Variants in G3BP1 observed in about 807,000 individuals in gnomAD.
The protein encoded by G3BP1 is G3BP stress granule assembly factor 1, also known as ras GTPase-activating protein-binding protein 1.
A neutral mutation model predicts 58.6 loss-of-function variants in G3BP1; 35 were observed. The ratio of observed to expected loss-of-function variants is 0.60; its 90% CI spans 0.46 to 0.79. The LOEUF is 0.79. G3BP1 is among the 30% of genes least tolerant of loss of function. The pLI, the probability that G3BP1 is intolerant of heterozygous loss-of-function variation, is 0.00. For missense variants in G3BP1, 523 were observed against 580.8 expected (o/e 0.90, Z 1.02); for synonymous variants, 191 against 195.4 (o/e 0.98, Z 0.19).
chr5:151,798,687 G>C (rs74735980), intron 7 of G3BP1, among the ~76,000 whole-genome samples: 419 of 152,298 alleles, frequency 2.8e-3, no homozygotes, highest in Middle Eastern at 0.01. Context: ...TGTTGGGCCA[G>C]GCGTTGTGGC....
rs553894843 is a variant in G3BP1, at chr5:151,790,859, GATTATT to G, written c.178-14_178-9del. 375 of 1,298,862 alleles carry G rather than the reference GATTATT, an allele frequency of 2.9e-4. 1 individual carries two copies. In the African/African-American group the frequency reaches 4.0e-3, roughly 14 times the overall value. 80.5% of individuals were successfully genotyped at this position (1,298,862 alleles called of 1,614,324 possible). ...TTTAAATTTTAAGGCATTCTCAGTT[GATTATT>G]ATTATTATTATTATTTTTTTAAGGA... On this transcript the variant is annotated intron_variant, in intron 3 of 11. Coordinates refer to ENST00000356245, the MANE Select transcript of G3BP1 (RefSeq NM_005754.3).
intron 4 of G3BP1, among the ~76,000 whole-genome samples, chr5:151,793,295 G>C (rs1296951095): frequency 1.3e-5 from 2 of 152,090 alleles, no homozygotes; most frequent in Non-Finnish European, 2.9e-5. Context: ...TTTTAGTAGA[G>C]ATGGGGTTTC....
Position 151,812,687 on chromosome 5 carries a change from C to T in G3BP1, c.*8596C>T, listed in dbSNP as rs1763033535. The T allele has an allele frequency of 6.6e-6, 1 of 152,206 alleles. No homozygotes were observed. The highest frequency in any genetic ancestry group is 2.4e-5 in the African/African-American group (1 of 41,458). 9.4% of individuals were successfully genotyped at this position (152,206 alleles called of 1,614,324 possible). ...AATCCTGAGTCAAAATGAAAGGTTG[C>T]TAAATCTAAGATCGAGTGTATAAAT... On this transcript the variant is annotated 3_prime_UTR_variant, in exon 12 of 12. Coordinates refer to ENST00000356245, the MANE Select transcript of G3BP1 (RefSeq NM_005754.3).
intron 1 of G3BP1, among the ~76,000 whole-genome samples, chr5:151,773,414 G>T (rs1762312018): frequency 6.6e-6 from 1 of 152,204 alleles, no homozygotes; most frequent in Admixed American, 6.5e-5. Flanking sequence ...TGTGACAGTC[G>T]AGATCTGTGG....
rs1160294032 is a variant in G3BP1, at chr5:151,805,201, CAT to C, written c.*1111_*1112del. The C allele has an allele frequency of 6.6e-6, 1 of 152,442 alleles. No homozygotes were observed. The highest frequency in any genetic ancestry group is 2.4e-5 in the African/African-American group (1 of 41,388). The allele number at this position is 152,442 out of a possible 1,614,324, so 9.4% of individuals were successfully genotyped here. A position where few individuals can be genotyped will look rare whatever the true frequency, so the allele number is the denominator to read the frequency against. Reference sequence around the variant, plus strand: ...TGTTACTTTAATATTGGACTTTGCTCATGTGCTCGTGTCCGCATTTTTTTTTT... The same window carrying C: ...TGTTACTTTAATATTGGACTTTGCTCGTGCTCGTGTCCGCATTTTTTTTTT... On this transcript the variant is annotated 3_prime_UTR_variant, in exon 12 of 12. Coordinates refer to ENST00000356245, the MANE Select transcript of G3BP1 (RefSeq NM_005754.3).
At chr5:151,788,570 ATATGTGTGTGTG>A (rs1357899526) in intron 2 of G3BP1, among the ~76,000 whole-genome samples, 4 of 93,188 alleles carry the variant, frequency 4.3e-5, no homozygotes, top group East Asian at 3.2e-4. Flanking sequence ...AGCTAAGTTT[ATATGTGTGTGTG>A]TGTGTGTGTG....
rs1309921286 is a variant in G3BP1 at position 151,806,734 on chromosome 5, G to C, written c.*2643G>C. The C allele has an allele frequency of 6.6e-6, 1 of 152,126 alleles. No individual in the cohort carries two copies. Among genetic ancestry groups the C allele is most frequent in the Non-Finnish European group, 1.5e-5 (1 of 68,024 alleles). 9.4% of individuals were successfully genotyped at this position (152,126 alleles called of 1,614,324 possible). A position where few individuals can be genotyped will look rare whatever the true frequency, so the allele number is the denominator to read the frequency against. ...TTTAAAATGAAAATTTTCATCCGTA[G>C]GAATGGCCCAATGTATAGTTATTAG... On this transcript the variant is annotated 3_prime_UTR_variant, in exon 12 of 12. Coordinates refer to ENST00000356245, the MANE Select transcript of G3BP1 (RefSeq NM_005754.3).
chr5:151,781,280 T>C (rs1044482879), intron 1 of G3BP1, among the ~76,000 whole-genome samples: 1 of 152,172 alleles, frequency 6.6e-6, no homozygotes, highest in African/African-American at 2.4e-5. Context: ...TAAACAAATG[T>C]AAAGATACAG....
intron 4 of G3BP1, 59 bp downstream of exon 4, chr5:151,791,121 C>T: frequency 7.3e-7 from 1 of 1,361,212 alleles, no homozygotes; most frequent in South Asian, 1.2e-5. Flanking sequence ...AAACAATGAA[C>T]TGTTGTGCAT....
rs903456447 is a variant in G3BP1 at position 151,807,176 on chromosome 5, T to C, written c.*3085T>C. 2 of 152,172 alleles carry C rather than the reference T, an allele frequency of 1.3e-5. No homozygotes were observed. Among genetic ancestry groups the C allele is most frequent in the African/African-American group, 4.8e-5 (2 of 41,434 alleles). The allele number at this position is 152,172 out of a possible 1,614,324, so 9.4% of individuals were successfully genotyped here. A position where few individuals can be genotyped will look rare whatever the true frequency, so the allele number is the denominator to read the frequency against. On this transcript the variant is annotated 3_prime_UTR_variant, in exon 12 of 12. Coordinates refer to ENST00000356245, the MANE Select transcript of G3BP1 (RefSeq NM_005754.3). Reference sequence around the variant, plus strand: ...GTCATTACCACAGTGTTAGTTGAATTGCACTTTAGGTTAGAAAAGTTAATT... The same window carrying C: ...GTCATTACCACAGTGTTAGTTGAATCGCACTTTAGGTTAGAAAAGTTAATT...
rs537765817 is a variant in G3BP1, at chr5:151,797,474, T to C, written c.741+46T>C. Reference sequence around the variant, plus strand: ...TTTATTCTATTCCTAGTTATTTTTTTTAAAAAAAGTTTCTGTTCTTTTGTA... The same window carrying C: ...TTTATTCTATTCCTAGTTATTTTTTCTAAAAAAAGTTTCTGTTCTTTTGTA... On this transcript the variant is annotated intron_variant, in intron 7 of 11. Transcript: ENST00000356245. 943 of 1,545,974 alleles carry C rather than the reference T, an allele frequency of 6.1e-4. 3 individuals carry two copies. The African/African-American group carries it at 0.012, about 20-fold the overall frequency.
chr5:151,793,875 A>G lies in G3BP1; in HGVS notation c.352-284A>G, dbSNP rs571504098. ...AAGAAAAAAGAGAAATTAGCCTTGC[A>G]TGGTGGCGCGCCCCTGTAGTTCTAG... On this transcript the variant is annotated intron_variant, in intron 4 of 11. Transcript: ENST00000356245. 6.6e-5 allele frequency among the ~76,000 whole-genome samples: 10 copies of G among 151,154 alleles called. No individual in the cohort carries two copies. In the South Asian group the frequency reaches 1.7e-3, roughly 25 times the overall value.
intron 1 of G3BP1, among the ~76,000 whole-genome samples, chr5:151,777,758 C>T (rs1762398170): frequency 6.6e-6 from 1 of 152,182 alleles, no homozygotes; most frequent in Non-Finnish European, 1.5e-5. Flanking sequence ...ACCATCACCA[C>T]AATCAAGATT....
At chr5:151,792,354 A>G (rs1249518701) in intron 4 of G3BP1, among the ~76,000 whole-genome samples, 5 of 152,246 alleles carry the variant, frequency 3.3e-5, no homozygotes, top group Admixed American at 6.5e-5. Flanking sequence ...TGAATATGAG[A>G]TAACTTTTTG....
chr5:151,795,340 G>A (rs1762731376), intron 5 of G3BP1, 139 bp from the exon 6 acceptor site: 2 of 580,410 alleles, frequency 3.4e-6, no homozygotes, highest in African/African-American at 3.8e-5. Flanking sequence ...TAAAGTCAGT[G>A]CCATGATTTT....
chr5:151,776,788 C>T (rs905925030), intron 1 of G3BP1, among the ~76,000 whole-genome samples: 2 of 151,698 alleles, frequency 1.3e-5, no homozygotes, highest in Non-Finnish European at 2.9e-5. Context: ...GGCTGTCTCA[C>T]ACTCCTGGGC....
chr5:151,799,912 A>G lies in G3BP1; in HGVS notation c.867A>G (p.Glu289=). The G allele has an allele frequency of 6.2e-7, 1 of 1,612,158 alleles. No individual in the cohort carries two copies. The highest frequency in any genetic ancestry group is 8.5e-7 in the Non-Finnish European group (1 of 1,178,232). Residue 289 remains glutamate, a synonymous_variant, in exon 9 of 12, where the codon GAA becomes GAG. Transcript: ENST00000356245. ...ASQPRPESKP[E]SQIPPQRPQR... ...AGCCCCGTCCAGAGTCTAAGCCTGA[A>G]TCTCAGATTCCACCACAAAGACCTC...
intron 2 of G3BP1, among the ~76,000 whole-genome samples, chr5:151,788,149 A>G (rs752496558): frequency 1.3e-4 from 20 of 152,236 alleles, no homozygotes; most frequent in Non-Finnish European, 2.4e-4. Flanking sequence ...CCTGGGCTCA[A>G]GCAATTCGCC....
chr5:151,800,113 G>A, intron 9 of G3BP1, 105 bp from the exon 10 acceptor site: 1 of 1,230,352 alleles, frequency 8.1e-7, no homozygotes, highest in Non-Finnish European at 1.2e-6. Context: ...AGGGTTGATG[G>A]AATTACCTGT....
Sources: allele counts gnomAD v4.1 joint callset (sites outside exome capture counted in the v4.1 genomes callset), GRCh38; gene constraint gnomAD v4.1.1; transcripts MANE v1.5; gene names NCBI Gene and HGNC (gene_info 2026-07-23, HGNC 2026-07-21).